The following SLCO1A2 variants were observed in gnomAD, a reference collection of about 807,000 sequenced individuals.
The protein encoded by SLCO1A2 is solute carrier organic anion transporter family member 1A2, also known as OATP-1.
SLCO1A2 carries 67 observed loss-of-function variants against 69.0 expected under a neutral mutation model. The ratio of observed to expected loss-of-function variants is 0.97; its 90% CI spans 0.80 to 1.19. The LOEUF is 1.19. Ranked by LOEUF, SLCO1A2 falls within the 50% of genes most tolerant of loss-of-function variation. The pLI, the probability that SLCO1A2 is intolerant of heterozygous loss-of-function variation, is 0.00. For synonymous variants in SLCO1A2, 260 were observed against 265.9 expected, an observed-to-expected ratio of 0.98 and a Z score of 0.22; for missense variants, 787 against 793.7, an observed-to-expected ratio of 0.99 and a Z score of 0.10.
rs141116211 is a variant in SLCO1A2, at chr12:21,303,135, A to G, written c.589+1292T>C. Among the ~76,000 whole-genome samples, 1,113 of 152,256 alleles carry G rather than the reference A, an allele frequency of 7.3e-3. 40 individuals carry two copies. The highest frequency in any genetic ancestry group is 0.01 in the East Asian group (53 of 5,190). On this transcript the variant is annotated intron_variant, in intron 6 of 14. Coordinates refer to ENST00000683939, the MANE Select transcript of SLCO1A2 (RefSeq NM_001386879.1). ...GAACACACACTATATATGTATATAC[A>G]TATATATACACACTACATATATATA...
intron 9 of SLCO1A2, among the ~76,000 whole-genome samples, 155 bp downstream of exon 9, chr12:21,297,249 C>CTCTTTCTT (rs530598058): frequency 1.4e-5 from 2 of 144,396 alleles, no homozygotes. Flanking sequence ...TTCTTTCTTT[C>CTCTTTCTT]TCTTTCTTTC....
At chr12:21,398,075 G>A (rs1486128876), upstream of SLCO1A2, among the ~76,000 whole-genome samples, 1 of 136,098 alleles carries the variant, frequency 7.3e-6, no homozygotes, top group African/African-American at 2.7e-5. Flanking sequence ...AAAAATTAAT[G>A]AATCCAGGAG....
chr12:21,275,719 T>A (rs1243280826), intron 12 of SLCO1A2, among the ~76,000 whole-genome samples: 1 of 152,110 alleles, frequency 6.6e-6, no homozygotes, highest in Admixed American at 6.6e-5. Flanking sequence ...GGCAGACGGA[T>A]CACCTGAGGT....
chr12:21,375,795 G>T (rs990829442), intron 1 of SLCO1A2, among the ~76,000 whole-genome samples: 1 of 152,134 alleles, frequency 6.6e-6, no homozygotes, highest in Non-Finnish European at 1.5e-5. Context: ...TGTCATCTCT[G>T]TTTAAACTCT....
intron 2 of SLCO1A2, among the ~76,000 whole-genome samples, chr12:21,368,142 T>G (rs1366317663): frequency 6.6e-6 from 1 of 152,156 alleles, no homozygotes; most frequent in African/African-American, 2.4e-5. Flanking sequence ...ATAAAAGATA[T>G]TATGTACCCC....
At chr12:21,307,356 T>C (rs1236474798) in intron 4 of SLCO1A2, among the ~76,000 whole-genome samples, 1 of 152,176 alleles carries the variant, frequency 6.6e-6, no homozygotes, top group Non-Finnish European at 1.5e-5. Flanking sequence ...AGAAGATAAA[T>C]GCTTTGGAAG....
At chr12:21,323,758 C>A (rs1234839836) in intron 2 of SLCO1A2, among the ~76,000 whole-genome samples, 1 of 152,066 alleles carries the variant, frequency 6.6e-6, no homozygotes, top group East Asian at 1.9e-4. Flanking sequence ...TGAAAAGATG[C>A]CTCATAATAG....
intron 2 of SLCO1A2, among the ~76,000 whole-genome samples, chr12:21,326,244 C>T (rs925527769): frequency 6.6e-6 from 1 of 152,134 alleles, no homozygotes; most frequent in East Asian, 1.9e-4. Context: ...CATTAAACCT[C>T]TTTTTCTTTA....
At chr12:21,403,711 C>CTTTT (rs71043273) in intron 1 of SLCO1A2, 91 of 84,114 alleles carry the variant, frequency 1.1e-3, no homozygotes, top group East Asian at 1.6e-3. Flanking sequence ...CTCCTCCTTG[C>CTTTT]TTTTTTTTTT....
upstream of SLCO1A2, among the ~76,000 whole-genome samples, chr12:21,399,691 GAACAAAACAGAGCCCTCAGA>G (rs1440913753): frequency 1.1e-5 from 1 of 92,850 alleles, no homozygotes; most frequent in Admixed American, 1.1e-4. Flanking sequence ...TAGATCAATG[GAACAAAACAGAGCCCTCAGA>G]AATAACGCCA....
intron 1 of SLCO1A2, among the ~76,000 whole-genome samples, chr12:21,387,984 A>C (rs1940969505): frequency 6.6e-6 from 1 of 152,116 alleles, no homozygotes; most frequent in South Asian, 2.1e-4. Flanking sequence ...ATCATTTTGG[A>C]ATGTTAAGGT....
chr12:21,405,387 TAACA>T (rs1941807413), intron 1 of SLCO1A2, among the ~76,000 whole-genome samples: 1 of 152,120 alleles, frequency 6.6e-6, no homozygotes, highest in Non-Finnish European at 1.5e-5. Flanking sequence ...AAACTATCAT[TAACA>T]TTTTTCACAG....
At chr12:21,376,729 G>A (rs1940223124) in intron 1 of SLCO1A2, among the ~76,000 whole-genome samples, 1 of 151,906 alleles carries the variant, frequency 6.6e-6, no homozygotes, top group South Asian at 2.1e-4. Context: ...CTTAGAGATA[G>A]AGATAATGAA....
At chr12:21,397,493 G>C (rs1273628267), upstream of SLCO1A2, among the ~76,000 whole-genome samples, 5 of 151,818 alleles carry the variant, frequency 3.3e-5, no homozygotes, top group East Asian at 5.8e-4. Flanking sequence ...GGATACCCAG[G>C]AACTGAACTC....
chr12:21,338,964 A>G (rs982160177), upstream of SLCO1A2, among the ~76,000 whole-genome samples: 1 of 152,034 alleles, frequency 6.6e-6, no homozygotes, highest in Non-Finnish European at 1.5e-5. Flanking sequence ...TTAGCCTAGC[A>G]TTAATAGCAG....
intron 5 of SLCO1A2, among the ~76,000 whole-genome samples, chr12:21,305,193 T>G (rs1471029267): frequency 2.6e-5 from 4 of 152,208 alleles, no homozygotes; most frequent in Non-Finnish European, 5.9e-5. Context: ...CTCCAATCCT[T>G]GGAGCCGCAG....
At chr12:21,368,095 T>C (rs1247370919) in intron 2 of SLCO1A2, among the ~76,000 whole-genome samples, 1 of 152,146 alleles carries the variant, frequency 6.6e-6, no homozygotes, top group Non-Finnish European at 1.5e-5. Context: ...ATGAACAACT[T>C]GCCTGCTATC....
chr12:21,319,428 T>C (rs370703575), intron 2 of SLCO1A2: 1 of 1,367,736 alleles, frequency 7.3e-7, no homozygotes, highest in Non-Finnish European at 9.8e-7. Context: ...AGAAACATTC[T>C]GCATTCTCAG....
chr12:21,322,035 T>C (rs985338662), intron 2 of SLCO1A2, among the ~76,000 whole-genome samples: 3 of 152,174 alleles, frequency 2.0e-5, no homozygotes, highest in African/African-American at 7.2e-5. Flanking sequence ...TTTATTGAAT[T>C]AATGACAGAA....
Sources: gnomAD v4.1 joint callset for allele counts (sites outside exome capture counted in the v4.1 genomes callset) on GRCh38, gnomAD v4.1.1 for gene constraint, MANE v1.5 for transcripts, NCBI Gene and HGNC (gene_info 2026-07-23, HGNC 2026-07-21) for gene names.